CDH9: variants seen among roughly 807,000 people sequenced by gnomAD.
The protein encoded by CDH9 is cadherin 9.
CDH9 carries 28 observed loss-of-function variants against 70.9 expected under a neutral mutation model. The ratio of observed to expected loss-of-function variants is 0.40; its 90% confidence interval spans 0.29 to 0.54. The LOEUF is 0.54. Among genes scored for constraint, CDH9 ranks in the 20% least tolerant of loss-of-function variants. The pLI is 0.59. For missense variants in CDH9, 874 were observed against 984.4 expected, an observed-to-expected ratio of 0.89 and a Z score of 1.50; for synonymous variants, 409 against 343.1, an observed-to-expected ratio of 1.19 and a Z score of -2.12.
Position 26,903,667 on chromosome 5 carries a change from A to T in CDH9, c.969T>A (p.Asp323Glu). The T allele has an allele frequency of 6.2e-7, 1 of 1,609,664 alleles. No individual in the cohort carries two copies. Among genetic ancestry groups the T allele is most frequent in the Non-Finnish European group, 8.5e-7 (1 of 1,176,086 alleles). The change falls in exon 6 of 12, where the codon GAT becomes GAA. Residue 323 changes from aspartate (D) to glutamate (E), a missense_variant. Asp to Glu is a conservative substitution (Grantham distance 45). Transcript: ENST00000231021. The stretch of plus-strand genomic sequence containing the variant: ...TGACAGTTATAATCCCTTCCTGTGT[A>T]TCCTTGTCAGTGATGACATCGAACA... ...ADMFDVITDK[D>E]TQEGIITVKQ...
chr5:26,990,522 C>A (rs375323810), intron 1 of CDH9, among the ~76,000 whole-genome samples: 2 of 152,154 alleles, frequency 1.3e-5, no homozygotes, highest in East Asian at 3.9e-4. Flanking sequence ...ATCCTGTAAA[C>A]TGTGGAATAA....
intron 7 of CDH9, among the ~76,000 whole-genome samples, chr5:26,897,985 T>C (rs968411534): frequency 6.6e-6 from 1 of 152,024 alleles, no homozygotes; most frequent in Non-Finnish European, 1.5e-5. Flanking sequence ...TCTCAGGATA[T>C]AAAATCAATG....
intron 1 of CDH9, among the ~76,000 whole-genome samples, chr5:27,027,465 C>A (rs1357733660): frequency 2.0e-5 from 3 of 151,908 alleles, no homozygotes; most frequent in African/African-American, 7.3e-5. Context: ...TAATGGTAGT[C>A]ATTAAAGAAG....
chr5:26,899,948 A>G (rs1195188263), intron 7 of CDH9, among the ~76,000 whole-genome samples: 1 of 151,994 alleles, frequency 6.6e-6, no homozygotes, highest in Non-Finnish European at 1.5e-5. Context: ...AATAAATTTC[A>G]AAAAAGTTTT....
chr5:27,033,046 C>T (rs1485879120), intron 1 of CDH9, among the ~76,000 whole-genome samples: 2 of 150,844 alleles, frequency 1.3e-5, no homozygotes, highest in African/African-American at 4.8e-5. Context: ...GAATTGTGAA[C>T]ATTCAATAAA....
At position 26,934,726 on chromosome 5, in the gene CDH9, T is replaced by C. The variant is rs143962002; in HGVS notation, c.229-18802A>G. On this transcript the variant is annotated intron_variant, in intron 2 of 11. Coordinates refer to ENST00000231021, the MANE Select transcript of CDH9 (RefSeq NM_016279.4). Reference sequence around the variant, plus strand: ...CTGTTACATCAAGAGAACTAGTCTATATAGGCTTACAGAGAAAATGAATTA... The same window carrying C: ...CTGTTACATCAAGAGAACTAGTCTACATAGGCTTACAGAGAAAATGAATTA... Among the ~76,000 whole-genome samples the C allele has an allele frequency of 5.3e-5, 8 of 152,270 alleles. No individual in the cohort carries two copies. The East Asian group carries it at 9.7e-4, about 18-fold the overall frequency.
intron 1 of CDH9, among the ~76,000 whole-genome samples, chr5:27,001,787 TG>T (rs1026430473): frequency 2.5e-4 from 38 of 151,450 alleles, no homozygotes; most frequent in African/African-American, 8.8e-4. Context: ...ATGATGAACT[TG>T]AAGCATCTCA....
At chr5:26,887,432 T>C (rs1740584046) in intron 9 of CDH9, among the ~76,000 whole-genome samples, 1 of 150,596 alleles carries the variant, frequency 6.6e-6, no homozygotes. Flanking sequence ...TTTTTAACTT[T>C]GTTAAATTCA....
intron 2 of CDH9, among the ~76,000 whole-genome samples, chr5:26,943,407 T>C (rs991863247): frequency 6.6e-6 from 1 of 151,172 alleles, no homozygotes; most frequent in East Asian, 2.0e-4. Context: ...CAGCTACTCA[T>C]GAGGCTGAGG....
intron 2 of CDH9, among the ~76,000 whole-genome samples, chr5:26,923,400 C>T (rs944538053): frequency 1.3e-5 from 2 of 151,800 alleles, no homozygotes; most frequent in Admixed American, 6.6e-5. Context: ...ATATATAAAA[C>T]CTTAGCACAC....
chr5:26,927,939 G>A (rs55769264), intron 2 of CDH9, among the ~76,000 whole-genome samples: 48,761 of 151,902 alleles, frequency 0.32, 9,618 homozygotes, highest in Non-Finnish European at 0.45. Flanking sequence ...TGCTCCTCAA[G>A]TTAGTGGCTG....
intron 9 of CDH9, among the ~76,000 whole-genome samples, chr5:26,889,225 T>G (rs1740614611): frequency 9.6e-6 from 1 of 104,058 alleles, no homozygotes; most frequent in South Asian, 5.5e-4. Context: ...TGAAAAATAC[T>G]ACATTTTTTT....
chr5:27,038,415 G>A (rs1257940997), intron 1 of CDH9, 48 bp downstream of exon 1: 4 of 151,838 alleles, frequency 2.6e-5, no homozygotes, highest in African/African-American at 9.7e-5. Context: ...TTATAAGAAA[G>A]CAAAAACTGA....
intron 7 of CDH9, among the ~76,000 whole-genome samples, chr5:26,899,909 A>G (rs568122751): frequency 1.6e-4 from 24 of 151,856 alleles, no homozygotes; most frequent in African/African-American, 5.8e-4. Flanking sequence ...AATATATAAA[A>G]CCAGAAGTTA....
At chr5:26,895,941 G>T (rs1579668139) in intron 7 of CDH9, among the ~76,000 whole-genome samples, 1 of 151,872 alleles carries the variant, frequency 6.6e-6, no homozygotes, top group Non-Finnish European at 1.5e-5. Context: ...ACTATAATTG[G>T]ATATCTAAGG....
intron 2 of CDH9, among the ~76,000 whole-genome samples, chr5:26,950,762 A>T (rs10042421): frequency 0.13 from 19,705 of 152,220 alleles, 4,265 homozygotes; most frequent in African/African-American, 0.45. Context: ...ATCTGGAGTA[A>T]CATTATGTTT....
chr5:26,958,484 G>C (rs1440921149), intron 2 of CDH9, among the ~76,000 whole-genome samples: 1 of 152,086 alleles, frequency 6.6e-6, no homozygotes, highest in Non-Finnish European at 1.5e-5. Flanking sequence ...GCACCTTTAA[G>C]GCACACAAAG....
chr5:26,921,349 C>T (rs999017470), intron 2 of CDH9, among the ~76,000 whole-genome samples: 5 of 152,196 alleles, frequency 3.3e-5, no homozygotes, highest in Non-Finnish European at 5.9e-5. Context: ...TACCAAGGCA[C>T]GATAAGTATA....
Position 26,889,926 on chromosome 5 carries a change from G to C in CDH9, c.1422C>G (p.Val474=). Reference sequence around the variant, plus strand: ...CATTTATATCTAGAATTCTGATGAAGACAGGGATGTGGCTACTTTGTTTTG... The same window carrying C: ...CATTTATATCTAGAATTCTGATGAACACAGGGATGTGGCTACTTTGTTTTG... The part of the protein sequence containing the change: ...NNPKQSSHIP[V]FIRILDINDH... The change falls in exon 9 of 12, where the codon GTC becomes GTG. Residue 474 remains valine (V), a synonymous_variant. Transcript: ENST00000231021. 1 of 1,607,550 alleles carries C rather than the reference G, an allele frequency of 6.2e-7. No homozygotes were observed. Among genetic ancestry groups the C allele is most frequent in the South Asian group, 1.1e-5 (1 of 90,618 alleles).
Sources: gnomAD v4.1 joint callset for allele counts (sites outside exome capture counted in the v4.1 genomes callset) on GRCh38, gnomAD v4.1.1 for gene constraint, MANE v1.5 for transcripts, NCBI Gene and HGNC (gene_info 2026-07-23, HGNC 2026-07-21) for gene names.